Variants in PTGFRN observed in about 807,000 individuals in gnomAD.
PTGFRN encodes the protein prostaglandin F2 receptor negative regulator.
Under a neutral mutation model 83.2 loss-of-function variants are expected in PTGFRN, and 35 were observed. The observed-to-expected ratio is 0.42, with a 90% CI of 0.32 to 0.56. PTGFRN has a LOEUF of 0.56. Among genes scored for constraint, PTGFRN ranks in the 20% least tolerant of loss-of-function variants. The probability of loss-of-function intolerance (pLI) is 0.11; values close to 1 mark genes in which losing one functional copy is unlikely to be tolerated. For missense variants in PTGFRN, 1,051 were observed against 1,179.5 expected (o/e 0.89, Z 1.60); for synonymous variants, 519 against 498.6 (o/e 1.04, Z -0.55).
chr1:116,944,547 G>C, intron 2 of PTGFRN, 132 bp from the exon 3 acceptor site: 1 of 921,596 alleles, frequency 1.1e-6, no homozygotes, highest in Middle Eastern at 3.7e-4. Context: ...AATCCAGTTG[G>C]GAAAACGTGC....
intron 7 of PTGFRN, among the ~76,000 whole-genome samples, chr1:116,977,288 C>T (rs916080040): frequency 2.0e-5 from 3 of 152,114 alleles, no homozygotes; most frequent in African/African-American, 4.8e-5. Flanking sequence ...CTTTAACACC[C>T]CACTGTCAGC....
intron 1 of PTGFRN, among the ~76,000 whole-genome samples, chr1:116,915,389 G>A (rs1252991605): frequency 6.6e-6 from 1 of 152,212 alleles, no homozygotes; most frequent in Non-Finnish European, 1.5e-5. Context: ...CACTGAAGGA[G>A]GAGGAAGGCC....
At chr1:116,910,744 C>T (rs537222650) in intron 1 of PTGFRN, among the ~76,000 whole-genome samples, 1 of 152,266 alleles carries the variant, frequency 6.6e-6, no homozygotes, top group East Asian at 1.9e-4. Flanking sequence ...GCGAGAGAAT[C>T]CTCCAACTTC....
At chr1:116,976,461 G>A (rs188214237) in intron 7 of PTGFRN, among the ~76,000 whole-genome samples, 365 of 152,292 alleles carry the variant, frequency 2.4e-3, no homozygotes, top group South Asian at 2.7e-3. Flanking sequence ...AAATGTTAAG[G>A]GCTGCCAGAG....
At chr1:116,982,552 T>TC (rs1159395548) in intron 7 of PTGFRN, among the ~76,000 whole-genome samples, 1 of 151,932 alleles carries the variant, frequency 6.6e-6, no homozygotes, top group African/African-American at 2.4e-5. Context: ...GGTCAGGTTC[T>TC]CCGCAAGCAA....
Position 116,941,888 on chromosome 1 carries a change from G to A in PTGFRN, c.223G>A (p.Glu75Lys). The A allele has an allele frequency of 6.2e-7, 1 of 1,614,200 alleles. No individual in the cohort carries two copies. Among genetic ancestry groups the A allele is most frequent in the Non-Finnish European group, 8.5e-7 (1 of 1,180,030 alleles). ...CTTTGTGGAGCTTGCAAGCACCTGG[G>A]AGGTGGGGTTCCCAGCCCAGCTGTA... ...SSFVELASTW[E>K]VGFPAQLYQE... Residue 75 changes from glutamate (E) to lysine (K), a missense_variant, in exon 2 of 9, where the codon GAG becomes AAG. Glu to Lys is a moderately conservative substitution (Grantham distance 56). This residue lies in a region of PTGFRN where 127 missense variants were observed against 168.4 expected (regional missense o/e 0.75). Coordinates refer to ENST00000393203, the MANE Select transcript of PTGFRN (RefSeq NM_020440.4). This position sits in a 1 kb window ranked among gnomAD's most constrained non-coding sequence, Gnocchi z 5.0.
intron 7 of PTGFRN, among the ~76,000 whole-genome samples, chr1:116,982,483 C>T (rs958342211): frequency 6.6e-6 from 1 of 151,988 alleles, no homozygotes; most frequent in Non-Finnish European, 1.5e-5. Flanking sequence ...GGGCCAAGGT[C>T]CTCTGTGCTG....
rs771037671 is a variant in PTGFRN at position 116,952,878 on chromosome 1, A to G, written c.1213+3306A>G. On this transcript the variant is annotated intron_variant, in intron 4 of 8. Transcript: ENST00000393203. The surrounding 1 kb of genome is among the most constrained non-coding windows in gnomAD (Gnocchi z 4.0). ...GAGGACATAAATCTTAAGTGTGTGA[A>G]GGGTTTCTGTAAGAAGCTCAATTAC... Among the ~76,000 whole-genome samples, 3 of 152,254 alleles carry G rather than the reference A, an allele frequency of 2.0e-5. No homozygotes were observed. The highest frequency in any genetic ancestry group is 4.4e-5 in the Non-Finnish European group (3 of 68,046).
At chr1:116,986,126 G>A (rs920757664) in intron 8 of PTGFRN, among the ~76,000 whole-genome samples, 1 of 152,070 alleles carries the variant, frequency 6.6e-6, no homozygotes, top group East Asian at 1.9e-4. Flanking sequence ...GGGCTATTTC[G>A]AAAATTAAAC....
intron 7 of PTGFRN, among the ~76,000 whole-genome samples, 191 bp from the exon 8 acceptor site, chr1:116,984,489 G>C (rs983460923): frequency 6.6e-6 from 1 of 152,156 alleles, no homozygotes; most frequent in Admixed American, 6.5e-5. Flanking sequence ...CAGGTATATA[G>C]TCTGGCAATA....
At chr1:116,966,825 C>T in intron 5 of PTGFRN, 86 bp from the exon 6 acceptor site, 1 of 1,392,756 alleles carries the variant, frequency 7.2e-7, no homozygotes, top group Non-Finnish European at 9.6e-7. Context: ...AAATACATTT[C>T]TGTTTCTTGG....
Position 116,966,899 on chromosome 1 carries a change from C to A in PTGFRN, c.1640-12C>A. The stretch of plus-strand genomic sequence containing the variant: ...TTGTTGGAAATCACATCCTTCTGGT[C>A]ATTCATTCCAGATTCCGTGCTTGTG... On this transcript the variant is annotated splice_polypyrimidine_tract_variant and intron_variant, in intron 5 of 8. Coordinates refer to ENST00000393203, the MANE Select transcript of PTGFRN (RefSeq NM_020440.4). 6.3e-7 allele frequency: 1 copy of A among 1,579,136 alleles called. No individual in the cohort carries two copies. Among genetic ancestry groups the A allele is most frequent in the South Asian group, 1.1e-5 (1 of 87,108 alleles).
At chr1:116,984,555 G>A (rs1278050408) in intron 7 of PTGFRN, 125 bp from the exon 8 acceptor site, 2 of 858,410 alleles carry the variant, frequency 2.3e-6, no homozygotes, top group Non-Finnish European at 3.6e-6. Context: ...TGAGGATCCA[G>A]TGAGACCGAA....
chr1:116,910,712 G>A (rs1476338733), intron 1 of PTGFRN, among the ~76,000 whole-genome samples: 1 of 152,250 alleles, frequency 6.6e-6, no homozygotes, highest in Non-Finnish European at 1.5e-5. Flanking sequence ...CCCAACCCGC[G>A]CGGAGTTGCC....
At position 116,944,901 on chromosome 1, in the gene PTGFRN, G is replaced by T; in HGVS notation, c.641G>T (p.Arg214Leu). 6.2e-7 allele frequency: 1 copy of T among 1,611,910 alleles called. No homozygotes were observed. The change falls in exon 3 of 9, where the codon CGC (arginine) becomes CTC (leucine). Residue 214 changes from arginine (R) to leucine (L), a missense_variant. Physicochemically the swap from Arg to Leu is moderately radical, Grantham distance 102. Transcript: ENST00000393203. ...CACCCGGGCCTGGGGTACGAGCAGC[G>T]CTACCACAGTGGGGACGTGCGCCTC... ...RFHPGLGYEQ[R>L]YHSGDVRLDT...
intron 4 of PTGFRN, among the ~76,000 whole-genome samples, chr1:116,956,421 C>A (rs181844810): frequency 6.6e-6 from 1 of 152,218 alleles, no homozygotes; most frequent in Non-Finnish European, 1.5e-5. Flanking sequence ...TACTCTCATT[C>A]CGCTGTGTTT....
rs142857222 is a variant in PTGFRN at position 116,918,597 on chromosome 1, G to T, written c.49+8345G>T. 6.6e-6 allele frequency among the ~76,000 whole-genome samples: 1 copy of T among 152,232 alleles called. No individual in the cohort carries two copies. The highest frequency in any genetic ancestry group is 1.5e-5 in the Non-Finnish European group (1 of 68,040). On this transcript the variant is annotated intron_variant, in intron 1 of 8. Coordinates refer to ENST00000393203, the MANE Select transcript of PTGFRN (RefSeq NM_020440.4). This position sits in a 1 kb window ranked among gnomAD's most constrained non-coding sequence, Gnocchi z 4.1. Reference sequence around the variant, plus strand: ...GGTTTGGCATACAAATTACTTGGTAGTCTGGGCTTTCTCAGTGGGACTGAG... The same window carrying T: ...GGTTTGGCATACAAATTACTTGGTATTCTGGGCTTTCTCAGTGGGACTGAG...
chr1:116,965,860 A>G (rs995163053), intron 5 of PTGFRN, among the ~76,000 whole-genome samples: 20 of 152,228 alleles, frequency 1.3e-4, no homozygotes, highest in Non-Finnish European at 2.2e-4. Flanking sequence ...AAGGCTGTCA[A>G]TAAATATATG....
Position 116,966,251 on chromosome 1 carries a change from C to T in PTGFRN, c.1640-660C>T, listed in dbSNP as rs543057562. Among the ~76,000 whole-genome samples, 54 of 152,320 alleles carry T rather than the reference C, an allele frequency of 3.5e-4. 1 individual carries two copies. Among genetic ancestry groups the T allele is most frequent in the South Asian group, 2.1e-4 (1 of 4,828 alleles). On this transcript the variant is annotated intron_variant, in intron 5 of 8. Transcript: ENST00000393203. ...GTAATCCACTTAAACCTAAAGTTAGCGTAGCCATAGACACCTCTCAAAATG... is the reference window on the plus strand; with the variant it reads ...GTAATCCACTTAAACCTAAAGTTAGTGTAGCCATAGACACCTCTCAAAATG...
Sources: allele counts gnomAD v4.1 joint callset (sites outside exome capture counted in the v4.1 genomes callset), GRCh38; gene constraint gnomAD v4.1.1; regional missense constraint gnomAD v4.1.1; non-coding constraint Gnocchi (gnomAD v3.1); transcripts MANE v1.5; gene names NCBI Gene and HGNC (gene_info 2026-07-23, HGNC 2026-07-21).